ZNF362: variants seen among roughly 807,000 people sequenced by gnomAD.
The protein encoded by ZNF362 is rotund homolog.
ZNF362 carries 11 observed loss-of-function variants against 42.9 expected under a neutral mutation model. That is an observed-to-expected ratio of 0.26 (90% confidence interval 0.16 to 0.42). ZNF362 has a LOEUF of 0.42. Ranked by LOEUF, ZNF362 falls within the 20% of genes least tolerant of loss-of-function variation. ZNF362 has a pLI of 1.00. For missense variants in ZNF362, 362 were observed against 576.2 expected, an observed-to-expected ratio of 0.63 and a Z score of 3.81; for synonymous variants, 255 against 257.3, an observed-to-expected ratio of 0.99 and a Z score of 0.09.
chr1:33,224,914 A>G, the ZNF362 span, among the ~76,000 whole-genome samples: 1 of 151,774 alleles, frequency 6.6e-6, no homozygotes, highest in African/African-American at 2.4e-5. Context: ...GCCAGAGAGA[A>G]AAAGATATAT....
intron 1 of ZNF362, among the ~76,000 whole-genome samples, chr1:33,262,737 T>TA (rs1488412554): frequency 6.6e-6 from 1 of 152,174 alleles, no homozygotes; most frequent in Non-Finnish European, 1.5e-5. Flanking sequence ...TTCACACTAT[T>TA]ACCTTTTCCA....
At chr1:33,174,366 T>G in the ZNF362 span, among the ~76,000 whole-genome samples, 4 of 152,134 alleles carry the variant, frequency 2.6e-5, no homozygotes, top group Non-Finnish European at 4.4e-5. Flanking sequence ...GCATTTTTTA[T>G]AGAGATAGGG....
At chr1:33,133,394 C>A in the ZNF362 span, among the ~76,000 whole-genome samples, 1 of 152,218 alleles carries the variant, frequency 6.6e-6, no homozygotes. Context: ...GTGTTTTGCA[C>A]AATAAGACCA....
At chr1:33,216,970 C>T in the ZNF362 span, among the ~76,000 whole-genome samples, 2 of 151,590 alleles carry the variant, frequency 1.3e-5, no homozygotes, top group East Asian at 2.0e-4. Context: ...AGGGAATCCC[C>T]CTAGGGTGGT....
chr1:33,275,026 G>A (rs1645933214), intron 2 of ZNF362: 1 of 985,270 alleles, frequency 1.0e-6, no homozygotes, highest in South Asian at 4.7e-5. Context: ...ATAGAATCAG[G>A]AAAAGAGGTT....
chr1:33,189,664 T>TATATACGTATATATATATACAC, the ZNF362 span, among the ~76,000 whole-genome samples: 1 of 19,854 alleles, frequency 5.0e-5, no homozygotes, highest in African/African-American at 1.1e-4. Context: ...TATATATATA[T>TATATACGTATATATATATACAC]ATATATATGT....
At chr1:33,131,015 G>A in the ZNF362 span, among the ~76,000 whole-genome samples, 2 of 152,212 alleles carry the variant, frequency 1.3e-5, no homozygotes, top group Non-Finnish European at 2.9e-5. Context: ...CCAGCATGCA[G>A]GTCACTGGGG....
Position 33,294,064 on chromosome 1 carries a change from G to C in ZNF362, c.909-873G>C, listed in dbSNP as rs1213114504. On this transcript the variant is annotated intron_variant, in intron 6 of 8. Coordinates refer to ENST00000539719, the MANE Select transcript of ZNF362 (RefSeq NM_152493.3). The surrounding 1 kb of genome is among the most constrained non-coding windows in gnomAD (Gnocchi z 4.2). ...TTATTTCCTCCAGGCAGTGGCTTTT[G>C]TCTGTTTTGTTCATGATATATTCCA... Among the ~76,000 whole-genome samples the C allele has an allele frequency of 6.6e-6, 1 of 152,142 alleles. No individual in the cohort carries two copies. Among genetic ancestry groups the C allele is most frequent in the African/African-American group, 2.4e-5 (1 of 41,438 alleles).
At chr1:33,200,120 G>C in the ZNF362 span, 1 of 152,268 alleles carries the variant, frequency 6.6e-6, no homozygotes, top group Non-Finnish European at 1.5e-5. Context: ...GAAGTGTACT[G>C]TTATAAGGGT....
the ZNF362 span, among the ~76,000 whole-genome samples, chr1:33,250,200 C>T: frequency 1.3e-5 from 2 of 152,174 alleles, no homozygotes; most frequent in Non-Finnish European, 2.9e-5. Flanking sequence ...ATGTAGCCAA[C>T]CACTTCCCTT....
chr1:33,236,561 A>ATATATG, the ZNF362 span, among the ~76,000 whole-genome samples: 1 of 92,172 alleles, frequency 1.1e-5, no homozygotes, highest in Non-Finnish European at 2.2e-5. Context: ...ATATATATAT[A>ATATATG]TATATATATA....
At chr1:33,174,579 TG>T in the ZNF362 span, among the ~76,000 whole-genome samples, 1 of 152,076 alleles carries the variant, frequency 6.6e-6, no homozygotes, top group African/African-American at 2.4e-5. Flanking sequence ...AGAGGTAGGC[TG>T]GGGGAGAGAG....
chr1:33,139,477 G>A, the ZNF362 span, among the ~76,000 whole-genome samples: 1 of 152,156 alleles, frequency 6.6e-6, no homozygotes, highest in Non-Finnish European at 1.5e-5. Flanking sequence ...TGAATCTCCT[G>A]GACCTGGATG....
chr1:33,147,545 C>T, the ZNF362 span: 2 of 1,614,102 alleles, frequency 1.2e-6, no homozygotes, highest in East Asian at 2.2e-5. This position sits in a 1 kb window ranked among gnomAD's most constrained non-coding sequence, Gnocchi z 8.1. Flanking sequence ...ACCACCACCT[C>T]CCAGTAGTGG....
At chr1:33,197,835 C>A in the ZNF362 span, among the ~76,000 whole-genome samples, 1 of 152,130 alleles carries the variant, frequency 6.6e-6, no homozygotes, top group Non-Finnish European at 1.5e-5. Context: ...TGGGAAAGAA[C>A]TTTACAAAAA....
the ZNF362 span, among the ~76,000 whole-genome samples, chr1:33,231,505 C>T: frequency 6.6e-6 from 1 of 152,116 alleles, no homozygotes; most frequent in Non-Finnish European, 1.5e-5. Flanking sequence ...CCAAAAGATA[C>T]CTGTGGAATC....
intron 6 of ZNF362, chr1:33,282,037 A>G (rs1468928464): frequency 3.5e-6 from 2 of 572,906 alleles, no homozygotes; most frequent in African/African-American, 3.8e-5. Flanking sequence ...TACCAGAGAG[A>G]CACCCCTCTC....
the ZNF362 span, among the ~76,000 whole-genome samples, chr1:33,188,392 T>C: frequency 6.6e-6 from 1 of 152,224 alleles, no homozygotes. Context: ...CATGGTCATG[T>C]GCTCACTTTC....
intron 8 of ZNF362, among the ~76,000 whole-genome samples, chr1:33,295,676 T>C (rs997334077): frequency 6.6e-6 from 1 of 152,072 alleles, no homozygotes; most frequent in African/African-American, 2.4e-5. Flanking sequence ...GGTGGCGCAG[T>C]GACATGGCCC....
Sources: gnomAD v4.1 joint callset for allele counts (sites outside exome capture counted in the v4.1 genomes callset) on GRCh38, gnomAD v4.1.1 for gene constraint, Gnocchi (gnomAD v3.1) non-coding constraint, MANE v1.5 for transcripts, NCBI Gene and HGNC (gene_info 2026-07-23, HGNC 2026-07-21) for gene names.